ARMH3: variants seen among roughly 807,000 people sequenced by gnomAD.
ARMH3 encodes the protein armadillo like helical domain containing 3.
In ARMH3, 60 loss-of-function variants were observed where a neutral mutation model predicts 99.1. The ratio of observed to expected loss-of-function variants is 0.61; its 90% CI spans 0.49 to 0.75. The LOEUF (loss-of-function observed/expected upper bound fraction) is 0.75, where lower values mean the gene tolerates loss of function less well. Among genes scored for constraint, ARMH3 ranks in the 30% least tolerant of loss-of-function variants. The pLI, the probability that ARMH3 is intolerant of heterozygous loss-of-function variation, is 0.00. For synonymous variants in ARMH3, 285 were observed against 292.8 expected (o/e 0.97, Z 0.27); for missense variants, 679 against 843.1 (o/e 0.81, Z 2.41).
intron 24 of ARMH3, among the ~76,000 whole-genome samples, chr10:101,869,802 G>T (rs966026869): frequency 3.3e-5 from 5 of 152,200 alleles, no homozygotes; most frequent in Admixed American, 1.3e-4. Context: ...AGAGGCTGAG[G>T]GGGGTGGATC....
intron 20 of ARMH3, among the ~76,000 whole-genome samples, chr10:101,973,599 G>A (rs1845867594): frequency 6.6e-6 from 1 of 152,010 alleles, no homozygotes; most frequent in African/African-American, 2.4e-5. Flanking sequence ...AAGAATAGAA[G>A]GCAATGTGGA....
chr10:102,009,770 T>G (rs1398474806), intron 12 of ARMH3, among the ~76,000 whole-genome samples: 9 of 152,188 alleles, frequency 5.9e-5, no homozygotes. Flanking sequence ...CTGGCAACAG[T>G]TGTTCAGCTT....
chr10:101,980,127 C>T (rs1188477616), intron 19 of ARMH3, among the ~76,000 whole-genome samples: 2 of 152,192 alleles, frequency 1.3e-5, no homozygotes, highest in Non-Finnish European at 1.5e-5. Flanking sequence ...AAGAAACTGT[C>T]AGACCTACCC....
chr10:101,987,651 A>G (rs1431405463), intron 19 of ARMH3, among the ~76,000 whole-genome samples: 1 of 152,194 alleles, frequency 6.6e-6, no homozygotes. Flanking sequence ...ATTAGGTTAT[A>G]CATGATACTA....
intron 5 of ARMH3, among the ~76,000 whole-genome samples, chr10:102,027,859 T>G (rs560684732): frequency 6.6e-6 from 1 of 151,768 alleles, no homozygotes; most frequent in Non-Finnish European, 1.5e-5. Flanking sequence ...GTATACAGAT[T>G]TATTTTAAAT....
rs28449929 is a variant in ARMH3 at position 102,036,317 on chromosome 10, C to T, written c.103-2978G>A. On this transcript the variant is annotated intron_variant, in intron 2 of 25. Transcript: ENST00000370033. ...GAGGTGGGGGGCGCCTCTGCCCGGC[C>T]GCCCCTTCTGGGAAGTGAGGAGCCC... Among the ~76,000 whole-genome samples, 1,284 of 151,988 alleles carry T rather than the reference C, an allele frequency of 8.4e-3. 30 individuals are homozygous for T. The East Asian group carries it at 0.093, about 11-fold the overall frequency.
chr10:101,921,704 A>ACC (rs1843313167), intron 23 of ARMH3, among the ~76,000 whole-genome samples: 1 of 152,218 alleles, frequency 6.6e-6, no homozygotes, highest in East Asian at 1.9e-4. Flanking sequence ...AAAGGAGGTC[A>ACC]TTATGTTAAG....
At chr10:101,928,731 T>G (rs1377729641) in intron 23 of ARMH3, among the ~76,000 whole-genome samples, 2 of 152,168 alleles carry the variant, frequency 1.3e-5, no homozygotes, top group African/African-American at 4.8e-5. Context: ...TGTTGTTGTT[T>G]GTTTTTGTTT....
intron 23 of ARMH3, among the ~76,000 whole-genome samples, chr10:101,917,328 A>C (rs1843128731): frequency 6.6e-6 from 1 of 152,232 alleles, no homozygotes; most frequent in East Asian, 1.9e-4. Context: ...CATTTCCAGA[A>C]TGTCATATAA....
intron 23 of ARMH3, among the ~76,000 whole-genome samples, chr10:101,937,661 A>G (rs558680155): frequency 1.3e-5 from 2 of 152,350 alleles, no homozygotes; most frequent in South Asian, 2.1e-4. Context: ...TAAAAAGTAC[A>G]TAATACACCC....
chr10:101,938,061 G>T (rs1018230154), intron 23 of ARMH3, among the ~76,000 whole-genome samples: 6 of 151,902 alleles, frequency 3.9e-5, no homozygotes, highest in African/African-American at 1.2e-4. Context: ...TAGAGACAGG[G>T]TCTCACTATG....
intron 23 of ARMH3, among the ~76,000 whole-genome samples, chr10:101,920,525 A>G (rs1261521623): frequency 6.6e-6 from 1 of 152,184 alleles, no homozygotes; most frequent in Non-Finnish European, 1.5e-5. Flanking sequence ...ACAAGCACAG[A>G]GAGAAAAACG....
chr10:102,012,954 A>G, intron 9 of ARMH3, 78 bp from the exon 10 acceptor site: 2 of 1,278,708 alleles, frequency 1.6e-6, no homozygotes, highest in South Asian at 2.9e-5. Context: ...ACAAGGTCAG[A>G]AAGAACACTA....
chr10:101,925,374 T>C (rs1843469257), intron 23 of ARMH3, among the ~76,000 whole-genome samples: 1 of 152,090 alleles, frequency 6.6e-6, no homozygotes, highest in African/African-American at 2.4e-5. Context: ...GGAGATAAAT[T>C]AAGAAGTAAG....
At chr10:101,943,001 T>C (rs749420590) in intron 22 of ARMH3, among the ~76,000 whole-genome samples, 2 of 152,104 alleles carry the variant, frequency 1.3e-5, no homozygotes, top group Admixed American at 1.3e-4. Context: ...CAGCATAGAA[T>C]TGTGATCCCC....
intron 23 of ARMH3, among the ~76,000 whole-genome samples, chr10:101,900,075 T>C (rs1164727313): frequency 6.6e-6 from 1 of 152,170 alleles, no homozygotes; most frequent in African/African-American, 2.4e-5. Flanking sequence ...ATTAAATCTT[T>C]CAATAAATGA....
intron 20 of ARMH3, among the ~76,000 whole-genome samples, chr10:101,966,037 C>T (rs1470596448): frequency 6.6e-6 from 1 of 152,020 alleles, no homozygotes; most frequent in Non-Finnish European, 1.5e-5. Flanking sequence ...CTGATGGTTC[C>T]CTAAGTCCCA....
chr10:101,955,282 A>G (rs1844979583), intron 22 of ARMH3, among the ~76,000 whole-genome samples: 1 of 152,192 alleles, frequency 6.6e-6, no homozygotes, highest in Non-Finnish European at 1.5e-5. Flanking sequence ...GAGAGAGGAG[A>G]TATTTTAAAA....
At chr10:102,035,710 A>G (rs1481576114) in intron 2 of ARMH3, among the ~76,000 whole-genome samples, 4 of 152,114 alleles carry the variant, frequency 2.6e-5, no homozygotes, top group African/African-American at 9.7e-5. Context: ...TCAGCGCTCA[A>G]TGTTGCCCAG....
Sources: gnomAD v4.1 joint callset for allele counts (sites outside exome capture counted in the v4.1 genomes callset) on GRCh38, gnomAD v4.1.1 for gene constraint, MANE v1.5 for transcripts, NCBI Gene and HGNC (gene_info 2026-07-23, HGNC 2026-07-21) for gene names.